AFG1L: variants seen among roughly 807,000 people sequenced by gnomAD.
AFG1L encodes the protein AFG1-like ATPase.
A neutral mutation model predicts 62.2 loss-of-function variants in AFG1L; 53 were observed. That is an observed-to-expected ratio of 0.85 (90% CI 0.68 to 1.07). The LOEUF is 1.07. Among genes scored for constraint, AFG1L ranks in the 50% least tolerant of loss-of-function variants. AFG1L has a pLI of 0.00. For missense variants in AFG1L, 555 were observed against 590.5 expected, an observed-to-expected ratio of 0.94 and a Z score of 0.62; for synonymous variants, 228 against 210.3, an observed-to-expected ratio of 1.08 and a Z score of -0.73.
intron 10 of AFG1L, among the ~76,000 whole-genome samples, chr6:108,484,804 A>G (rs1773459616): frequency 6.6e-6 from 1 of 152,344 alleles, no homozygotes; most frequent in South Asian, 2.1e-4. Flanking sequence ...CTGATATTTT[A>G]TACATAAAAG....
At chr6:108,465,637 G>A (rs1772633807) in intron 8 of AFG1L, among the ~76,000 whole-genome samples, 1 of 147,010 alleles carries the variant, frequency 6.8e-6, no homozygotes, top group South Asian at 2.2e-4. Context: ...TAACAAGAGG[G>A]CCCTAGAGTC....
intron 6 of AFG1L, among the ~76,000 whole-genome samples, chr6:108,367,043 C>T (rs532968886): frequency 6.6e-6 from 1 of 152,288 alleles, no homozygotes; most frequent in Admixed American, 6.5e-5. Flanking sequence ...CTGTTTGAAC[C>T]TGCAACACAT....
At chr6:108,457,874 C>T (rs1772313048) in intron 8 of AFG1L, among the ~76,000 whole-genome samples, 1 of 151,950 alleles carries the variant, frequency 6.6e-6, no homozygotes, top group African/African-American at 2.4e-5. Flanking sequence ...GATAGGCTGG[C>T]TGGCTTTCCT....
chr6:108,325,899 C>T (rs575923686), intron 2 of AFG1L, among the ~76,000 whole-genome samples: 4 of 152,272 alleles, frequency 2.6e-5, no homozygotes, highest in African/African-American at 9.6e-5. Context: ...TCTCCTGCCT[C>T]CCAAATAGCT....
intron 1 of AFG1L, among the ~76,000 whole-genome samples, chr6:108,297,440 A>G (rs1776806865): frequency 6.6e-6 from 1 of 152,092 alleles, no homozygotes; most frequent in Admixed American, 6.6e-5. Context: ...TTTTAGTTGA[A>G]ATTTTGTTCA....
At chr6:108,447,408 T>C in intron 8 of AFG1L, 112 bp downstream of exon 8, 1 of 592,580 alleles carries the variant, frequency 1.7e-6, no homozygotes, top group South Asian at 2.3e-5. Flanking sequence ...AAGCCCATGA[T>C]TTTTAAATTG....
rs1055059660 is a variant in AFG1L at position 108,524,034 on chromosome 6, G to C, written c.*1609G>C. The C allele has an allele frequency of 2.7e-5, 4 of 148,602 alleles. No homozygotes were observed. Among genetic ancestry groups the C allele is most frequent in the African/African-American group, 9.7e-5 (4 of 41,226 alleles). The allele number at this position is 148,602 out of a possible 1,614,324, so 9.2% of individuals were successfully genotyped here. A position where few individuals can be genotyped will look rare whatever the true frequency, so the allele number is the denominator to read the frequency against. ...AATAAGAAAACTGAGTCTTGGGAAA[G>C]TTAAGTAGCTTGACCTGAGATTCAC... On this transcript the variant is annotated 3_prime_UTR_variant, in exon 13 of 13. Coordinates refer to ENST00000368977, the MANE Select transcript of AFG1L (RefSeq NM_145315.5).
intron 6 of AFG1L, among the ~76,000 whole-genome samples, chr6:108,400,504 A>C (rs1446729009): frequency 6.8e-6 from 1 of 146,488 alleles, no homozygotes; most frequent in Non-Finnish European, 1.5e-5. Context: ...ATTTCACTTA[A>C]AGTGACTTTT....
chr6:108,453,130 C>T (rs1168925929), intron 8 of AFG1L, among the ~76,000 whole-genome samples: 1 of 152,202 alleles, frequency 6.6e-6, no homozygotes, highest in African/African-American at 2.4e-5. Flanking sequence ...TGAAGTCATC[C>T]ACCACTTCAA....
intron 10 of AFG1L, among the ~76,000 whole-genome samples, chr6:108,494,044 A>G (rs1228009377): frequency 2.6e-5 from 4 of 152,092 alleles, no homozygotes; most frequent in Admixed American, 1.3e-4. Flanking sequence ...TGGCCAGGCC[A>G]GTCTCGAGCT....
intron 10 of AFG1L, among the ~76,000 whole-genome samples, chr6:108,492,733 A>ATT (rs11389705): frequency 5.0e-4 from 75 of 150,108 alleles, no homozygotes; most frequent in East Asian, 2.2e-3. Flanking sequence ...CCTTGCCAGT[A>ATT]TTTTTTTTTT....
At chr6:108,407,545 C>T (rs747685546) in intron 7 of AFG1L, among the ~76,000 whole-genome samples, 1 of 152,016 alleles carries the variant, frequency 6.6e-6, no homozygotes, top group African/African-American at 2.4e-5. Context: ...ATTAGCTAGG[C>T]ATTGCGGTGT....
intron 8 of AFG1L, among the ~76,000 whole-genome samples, chr6:108,471,468 C>CT (rs56375345): frequency 1.2e-3 from 121 of 100,336 alleles, no homozygotes; most frequent in Admixed American, 4.0e-3. Flanking sequence ...TGTTCTTCTT[C>CT]TTTTTTTTTT....
intron 10 of AFG1L, among the ~76,000 whole-genome samples, chr6:108,500,171 CGTGTGTGTGTGT>C (rs61654685): frequency 2.5e-4 from 34 of 135,138 alleles, no homozygotes; most frequent in East Asian, 1.5e-3. Flanking sequence ...ATGGTGCGTG[CGTGTGTGTGTGT>C]GTGTGTGTGT....
chr6:108,482,716 A>G (rs1773374044), intron 10 of AFG1L, among the ~76,000 whole-genome samples: 1 of 152,062 alleles, frequency 6.6e-6, no homozygotes. Flanking sequence ...AATGTCTCCC[A>G]ACTGGGATTT....
chr6:108,520,459 G>A (rs951297618), intron 12 of AFG1L: 7 of 152,098 alleles, frequency 4.6e-5, no homozygotes, highest in East Asian at 1.9e-4. Flanking sequence ...GTGACTTTGC[G>A]TTTTCTTCTT....
At chr6:108,472,523 T>C (rs926862279) in intron 8 of AFG1L, among the ~76,000 whole-genome samples, 11 of 152,154 alleles carry the variant, frequency 7.2e-5, no homozygotes, top group African/African-American at 1.9e-4. Context: ...TTTAAAATAT[T>C]TTTTTAAACG....
At chr6:108,478,560 C>T (rs1047475073) in intron 10 of AFG1L, among the ~76,000 whole-genome samples, 1 of 152,254 alleles carries the variant, frequency 6.6e-6, no homozygotes, top group South Asian at 2.1e-4. Flanking sequence ...ACCTTTCAGA[C>T]CTCTTCTGGA....
Position 108,295,161 on chromosome 6 carries a change from G to C in AFG1L, c.82G>C (p.Ala28Pro). ...PLRGRCVGCG[A>P]WAAALAPLAT... ...GAGAGGGAGATGTGTTGGGTGCGGG[G>C]CCTGGGCCGCCGCTCTCGCTCCTCT... The change falls in exon 1 of 13, where the codon GCC becomes CCC. Residue 28 changes from alanine to proline, a missense_variant. Transcript: ENST00000368977. The C allele has an allele frequency of 6.2e-7, 1 of 1,609,114 alleles. No individual in the cohort carries two copies. Among genetic ancestry groups the C allele is most frequent in the Non-Finnish European group, 8.5e-7 (1 of 1,179,948 alleles).
Sources: allele counts gnomAD v4.1 joint callset (sites outside exome capture counted in the v4.1 genomes callset), GRCh38; gene constraint gnomAD v4.1.1; transcripts MANE v1.5; gene names NCBI Gene and HGNC (gene_info 2026-07-23, HGNC 2026-07-21).